TMC4: variants seen among roughly 807,000 people sequenced by gnomAD.
The protein encoded by TMC4 is voltage-gated chloride channel TMC4.
TMC4 carries 70 observed loss-of-function variants against 82.0 expected under a neutral mutation model. That is an observed-to-expected ratio of 0.85 (90% CI 0.70 to 1.04). The LOEUF is 1.04. TMC4 is among the 50% of genes least tolerant of loss of function. TMC4 has a pLI of 0.00. For synonymous variants in TMC4, 446 were observed against 406.0 expected, an observed-to-expected ratio of 1.10 and a Z score of -1.18; for missense variants, 879 against 899.0, an observed-to-expected ratio of 0.98 and a Z score of 0.28.
chr19:54,173,072 T>C lies in TMC4; in HGVS notation c.46A>G (p.Arg16Gly), dbSNP rs1179036974. The change falls in exon 1 of 15, where the codon AGG becomes GGG. Residue 16 changes from arginine (R) to glycine (G), a missense_variant. Transcript: ENST00000619895. ...GCCTCCCGGGGGGCCAGCCACTCCCTAGAGGAGCCCCAGGCTTCTGATTCC... is the reference window on the plus strand; with the variant it reads ...GCCTCCCGGGGGGCCAGCCACTCCCCAGAGGAGCCCCAGGCTTCTGATTCC... ...TLESEAWGSSREWLAPREARG... is the reference protein window; with the variant it reads ...TLESEAWGSSGEWLAPREARG... The C allele has an allele frequency of 1.9e-6, 3 of 1,613,212 alleles. No homozygotes were observed. The highest frequency in any genetic ancestry group is 2.7e-5 in the African/African-American group (2 of 74,788).
intron 3 of TMC4, 127 bp from the exon 4 acceptor site, chr19:54,168,807 CTTTTCTTTTCTTTTCT>C (rs2075780329): frequency 5.8e-5 from 2 of 34,482 alleles, no homozygotes; most frequent in Admixed American, 8.1e-4. Context: ...CTTTTCTTTT[CTTTTCTTTTCTTTTCT>C]TTTCTTTTCT....
rs2075778892 is a variant in TMC4 at position 54,168,802 on chromosome 19, C to CTTTTCTTTTCTTTT, written c.443-136_443-123dup. The stretch of plus-strand genomic sequence containing the variant: ...TTCTTTCTTTTCTTTTCTTTCTTTT[C>CTTTTCTTTTCTTTT]TTTTCTTTTCTTTTCTTTTCTTTTC... On this transcript the variant is annotated intron_variant, in intron 3 of 14. Coordinates refer to ENST00000619895, the MANE Select transcript of TMC4 (RefSeq NM_144686.4). The CTTTTCTTTTCTTTT allele has an allele frequency of 6.1e-5, 2 of 32,928 alleles. 1 individual carries two copies. The highest frequency in any genetic ancestry group is 9.8e-4 in the African/African-American group (2 of 2,034). The allele number at this position is 32,928 out of a possible 1,614,324, so 2.0% of individuals were successfully genotyped here. A position where few individuals can be genotyped will look rare whatever the true frequency, so the allele number is the denominator to read the frequency against.
At position 54,163,906 on chromosome 19, in the gene TMC4, A is replaced by G. The variant is rs2075633205; in HGVS notation, c.1114-19T>C. On this transcript the variant is annotated intron_variant, in intron 7 of 14. Transcript: ENST00000619895. Reference sequence around the variant, plus strand: ...GCATCTCCTGGGAGCGGGATGGACCATGAGTAGAGGCTTGGGGTCCTGGAG... The same window carrying G: ...GCATCTCCTGGGAGCGGGATGGACCGTGAGTAGAGGCTTGGGGTCCTGGAG... The G allele has an allele frequency of 7.4e-6, 12 of 1,613,214 alleles. No homozygotes were observed. The highest frequency in any genetic ancestry group is 1.3e-5 in the African/African-American group (1 of 74,764).
rs183929488 is a variant in TMC4 at position 54,166,148 on chromosome 19, G to C, written c.798-582C>G. Among the ~76,000 whole-genome samples the C allele has an allele frequency of 1.9e-3, 294 of 152,004 alleles. 4 individuals carry two copies. The East Asian group carries it at 0.024, about 12-fold the overall frequency. On this transcript the variant is annotated intron_variant, in intron 5 of 14. Transcript: ENST00000619895. ...AATCCCAGCACTTTGGGAGGCCGAG[G>C]GGGGAGGATCACCTGAGGTCAGGAG...
At chr19:54,166,360 C>T (rs1321592292) in intron 5 of TMC4, among the ~76,000 whole-genome samples, 5 of 143,380 alleles carry the variant, frequency 3.5e-5, no homozygotes, top group Non-Finnish European at 6.0e-5. Context: ...CCAGAGAAGA[C>T]GGGCAGGTAA....
chr19:54,171,104 C>CAT (rs911108789), intron 2 of TMC4, among the ~76,000 whole-genome samples: 9 of 35,830 alleles, frequency 2.5e-4, no homozygotes, highest in Non-Finnish European at 4.9e-4. Context: ...CACACATATG[C>CAT]ATATATATAC....
Position 54,163,018 on chromosome 19 carries a change from C to G in TMC4, c.1404+15G>C, listed in dbSNP as rs1301308131. ...AGGGACCCAAGAGTCCCACGCACAC[C>G]CATGCCGTTCTCACCGGAAGTTGTT... On this transcript the variant is annotated intron_variant, in intron 9 of 14. Transcript: ENST00000619895. The G allele has an allele frequency of 4.3e-6, 7 of 1,614,154 alleles. No homozygotes were observed. The Admixed American group carries it at 1.2e-4, about 27-fold the overall frequency.
At chr19:54,166,323 CAAAAAAA>C (rs58329832) in intron 5 of TMC4, among the ~76,000 whole-genome samples, 30,851 of 107,786 alleles carry the variant, frequency 0.29, 3,649 homozygotes, top group East Asian at 0.51. Flanking sequence ...AGGTCGCCTC[CAAAAAAA>C]AAAAAAAAAA....
intron 5 of TMC4, among the ~76,000 whole-genome samples, chr19:54,166,936 G>C (rs2075720343): frequency 6.6e-6 from 1 of 151,052 alleles, no homozygotes; most frequent in Admixed American, 6.6e-5. Flanking sequence ...CTGGGTGACA[G>C]AGCGAGACTC....
chr19:54,171,903 A>G lies in TMC4; in HGVS notation c.260T>C (p.Leu87Pro). ...ELQDPHPSRELPWPMQARRAH... is the reference protein window; with the variant it reads ...ELQDPHPSREPPWPMQARRAH... Reference sequence around the variant, plus strand: ...CCGTCTGGCCTGCATGGGCCAGGGCAGTTCCCGGGAAGGGTGAGGGTCCTG... The same window carrying G: ...CCGTCTGGCCTGCATGGGCCAGGGCGGTTCCCGGGAAGGGTGAGGGTCCTG... The change falls in exon 2 of 15, where the codon CTG becomes CCG. Residue 87 changes from leucine (L) to proline (P), a missense_variant. Leu to Pro is a moderately conservative substitution (Grantham distance 98). Transcript: ENST00000619895. 6.2e-7 allele frequency: 1 copy of G among 1,612,066 alleles called. No individual in the cohort carries two copies. Among genetic ancestry groups the G allele is most frequent in the Non-Finnish European group, 8.5e-7 (1 of 1,178,946 alleles).
In TMC4 at chr19:54,160,120, G is replaced by C; in HGVS notation, c.*186C>G. On this transcript the variant is annotated 3_prime_UTR_variant, in exon 15 of 15. Coordinates refer to ENST00000619895, the MANE Select transcript of TMC4 (RefSeq NM_144686.4). ...TTTCAAAGCGCGCTCAGCAACCTCG[G>C]CTGTATTTATTGATACAAGGAAGAT... 1.6e-6 allele frequency: 1 copy of C among 615,988 alleles called. No homozygotes were observed. Among genetic ancestry groups the C allele is most frequent in the Non-Finnish European group, 2.6e-6 (1 of 389,970 alleles). The allele number at this position is 615,988 out of a possible 1,614,324, so 38.2% of individuals were successfully genotyped here.
chr19:54,162,103 T>G lies in TMC4; in HGVS notation c.1685A>C (p.Lys562Thr), dbSNP rs1415804610. ...CCAAGGGTCCCCCCTACCCCTTACCTTCTTCAGGTAGAAAAGCAGCAGGAA... is the reference window on the plus strand; with the variant it reads ...CCAAGGGTCCCCCCTACCCCTTACCGTCTTCAGGTAGAAAAGCAGCAGGAA... The part of the protein sequence containing the change: ...VKFLLLFYLK[K>T]LTLFSTCSPA... The change falls in exon 11 of 15, where the codon AAG becomes ACG. Residue 562 changes from lysine to threonine, a missense_variant and splice_region_variant. Physicochemically the swap from Lys to Thr is moderately conservative, Grantham distance 78. Coordinates refer to ENST00000619895, the MANE Select transcript of TMC4 (RefSeq NM_144686.4). The G allele has an allele frequency of 3.1e-6, 5 of 1,610,788 alleles. No homozygotes were observed. The African/African-American group carries it at 5.3e-5, about 17-fold the overall frequency.
At position 54,169,094 on chromosome 19, in the gene TMC4, C is replaced by T. The variant is rs542212558; in HGVS notation, c.443-414G>A. The stretch of plus-strand genomic sequence containing the variant: ...TGCCGCCCAGCATGGAGTGCAGTGG[C>T]GCGATCTCGGCTCACTGCAACCTCC... On this transcript the variant is annotated intron_variant, in intron 3 of 14. Coordinates refer to ENST00000619895, the MANE Select transcript of TMC4 (RefSeq NM_144686.4). 9.8e-4 allele frequency among the ~76,000 whole-genome samples: 131 copies of T among 134,146 alleles called. 1 individual carries two copies. Among genetic ancestry groups the T allele is most frequent in the African/African-American group, 3.7e-3 (126 of 34,466 alleles). The allele number at this position is 134,146 out of a possible 152,430, so 88.0% of individuals were successfully genotyped here. A position where few individuals can be genotyped will look rare whatever the true frequency, so the allele number is the denominator to read the frequency against.
chr19:54,169,657 T>A lies in TMC4; in HGVS notation c.297A>T (p.Gln99His). Residue 99 changes from glutamine (Q) to histidine (H), a missense_variant, in exon 3 of 15, where the codon CAA (glutamine) becomes CAT (histidine). Gln to His is a conservative substitution (Grantham distance 24). Coordinates refer to ENST00000619895, the MANE Select transcript of TMC4 (RefSeq NM_144686.4). Reference sequence around the variant, plus strand: ...CCACCTGGTCCCTGCTGGCATTTCTTTGCCTGGGAGGGAAACAGGCAGAAA... The same window carrying A: ...CCACCTGGTCCCTGCTGGCATTTCTATGCCTGGGAGGGAAACAGGCAGAAA... The part of the protein sequence containing the change: ...WPMQARRAHR[Q>H]RNASRDQVVY... 1 of 1,613,464 alleles carries A rather than the reference T, an allele frequency of 6.2e-7. No individual in the cohort carries two copies.
Position 54,162,221 on chromosome 19 carries a change from G to A in TMC4, c.1567C>T (p.Pro523Ser), listed in dbSNP as rs2075573235. 6 of 1,612,476 alleles carry A rather than the reference G, an allele frequency of 3.7e-6. No individual in the cohort carries two copies. The highest frequency in any genetic ancestry group is 5.1e-6 in the Non-Finnish European group (6 of 1,179,470). The change falls in exon 11 of 15, where the codon CCC becomes TCC. Residue 523 changes from proline (P) to serine (S), a missense_variant. Pro to Ser is a moderately conservative substitution (Grantham distance 74). Coordinates refer to ENST00000619895, the MANE Select transcript of TMC4 (RefSeq NM_144686.4). ...RLAGTQEFQV[P>S]DEVLGLIYAQ... is the part of the protein sequence containing the mutation. ...TAGATGAGCCCCAGCACCTCGTCGG[G>A]CACCTGGAACTCTTGGGTCCCCGCC...
chr19:54,164,447 G>A lies in TMC4; in HGVS notation c.1100C>T (p.Thr367Ile), dbSNP rs78664697. The change falls in exon 7 of 15, where the codon ACC becomes ATC. Residue 367 changes from threonine to isoleucine, a missense_variant. Thr to Ile is a moderately conservative substitution (Grantham distance 89). Coordinates refer to ENST00000619895, the MANE Select transcript of TMC4 (RefSeq NM_144686.4). ...FYGVYWATGC[T>I]VELQEMPLVQ... ...GACCGTCCGCACCTGCAGCTCCACG[G>A]TGCACCCCGTAGCCCAGTAGACGCC... is the stretch of plus-strand genomic sequence containing the variant. 2.3e-4 allele frequency: 375 copies of A among 1,612,692 alleles called. 1 individual carries two copies. The African/African-American group carries it at 4.4e-3, about 19-fold the overall frequency.
intron 13 of TMC4, 111 bp from the exon 14 acceptor site, chr19:54,160,656 C>A: frequency 6.5e-7 from 1 of 1,544,364 alleles, no homozygotes. Flanking sequence ...CTCGTCTGGG[C>A]TCAAGGAGTT....
intron 3 of TMC4, among the ~76,000 whole-genome samples, 173 bp downstream of exon 3, chr19:54,169,339 C>G (rs541678172): frequency 6.6e-6 from 1 of 151,596 alleles, no homozygotes; most frequent in Non-Finnish European, 1.5e-5. Context: ...CAGGCCCAGC[C>G]GTGCCTTTCT....
At chr19:54,163,976 TC>T (rs147297807) in intron 7 of TMC4, 89 bp from the exon 8 acceptor site, 727 of 954,734 alleles carry the variant, frequency 7.6e-4, no homozygotes, top group African/African-American at 6.6e-3. Flanking sequence ...TTCTTCTTCT[TC>T]TTTTTTTTTT....
Sources: allele counts gnomAD v4.1 joint callset (sites outside exome capture counted in the v4.1 genomes callset), GRCh38; gene constraint gnomAD v4.1.1; transcripts MANE v1.5; gene names NCBI Gene and HGNC (gene_info 2026-07-23, HGNC 2026-07-21).